ZBTB21: variants seen among roughly 807,000 people sequenced by gnomAD.
The protein encoded by ZBTB21 is zinc finger and BTB domain-containing protein 21.
Under a neutral mutation model 39.8 loss-of-function variants are expected in ZBTB21, and 10 were observed. That is an observed-to-expected ratio of 0.25 (90% confidence interval 0.16 to 0.43). The LOEUF (loss-of-function observed/expected upper bound fraction) is 0.43. ZBTB21 is among the 20% of genes least tolerant of loss of function. ZBTB21 has a pLI of 1.00. For missense variants in ZBTB21, 1,221 were observed against 1,296.3 expected (o/e 0.94, Z 0.89); for synonymous variants, 551 against 498.8 (o/e 1.10, Z -1.40).
At chr21:41,999,048 G>A (rs1275358614) in intron 2 of ZBTB21, among the ~76,000 whole-genome samples, 1 of 151,900 alleles carries the variant, frequency 6.6e-6, no homozygotes, top group Non-Finnish European at 1.5e-5. Context: ...CTATTTGTAT[G>A]AAGAAACCCT....
rs776278980 is a variant in ZBTB21 at position 41,992,370 on chromosome 21, C to T, written c.1726G>A (p.Ala576Thr). Residue 576 changes from alanine to threonine, a missense_variant, in exon 3 of 3, where the codon GCT becomes ACT. Physicochemically the swap from Ala to Thr is moderately conservative, Grantham distance 58 (BLOSUM62 0). Coordinates refer to ENST00000310826, the MANE Select transcript of ZBTB21 (RefSeq NM_001098402.2). The surrounding 1 kb of genome is among the most constrained non-coding windows in gnomAD (Gnocchi z 4.1). ...AACCTCTTGTGACAGATGTCACAAG[C>T]GTAGGGCTTTTCTGGGTTATGGTAC... ...NMYHNPEKPYACDICHKRFHT... is the reference protein window; with the variant it reads ...NMYHNPEKPYTCDICHKRFHT... 4.1e-5 allele frequency: 66 copies of T among 1,614,054 alleles called. No individual in the cohort carries two copies. Among genetic ancestry groups the T allele is most frequent in the Non-Finnish European group, 5.4e-5 (64 of 1,180,048 alleles).
Position 41,989,720 on chromosome 21 carries a change from T to G in ZBTB21, c.*1175A>C, listed in dbSNP as rs1364097985. 1 of 152,186 alleles carries G rather than the reference T, an allele frequency of 6.6e-6. No individual in the cohort carries two copies. Among genetic ancestry groups the G allele is most frequent in the Non-Finnish European group, 1.5e-5 (1 of 68,002 alleles). The allele number at this position is 152,186 out of a possible 1,614,324, so 9.4% of individuals were successfully genotyped here. Reference sequence around the variant, plus strand: ...TTAAGCAATGATGTAGAGAATGGCCTTGCCCATGATTTTAACCATCAGACC... The same window carrying G: ...TTAAGCAATGATGTAGAGAATGGCCGTGCCCATGATTTTAACCATCAGACC... On this transcript the variant is annotated 3_prime_UTR_variant, in exon 3 of 3. Transcript: ENST00000310826.
chr21:41,992,319 G>A lies in ZBTB21; in HGVS notation c.1777C>T (p.His593Tyr), dbSNP rs2065672540. The A allele has an allele frequency of 6.2e-7, 1 of 1,614,098 alleles. No individual in the cohort carries two copies. Among genetic ancestry groups the A allele is most frequent in the African/African-American group, 1.3e-5 (1 of 74,926 alleles). Residue 593 changes from histidine (H) to tyrosine (Y), a missense_variant, in exon 3 of 3, where the codon CAC (histidine) becomes TAC (tyrosine). Around this residue, in one of 4 missense-constraint regions of ZBTB21, gnomAD observed 90 missense variants for 133.1 expected, o/e 0.68. Coordinates refer to ENST00000310826, the MANE Select transcript of ZBTB21 (RefSeq NM_001098402.2). This position sits in a 1 kb window ranked among gnomAD's most constrained non-coding sequence, Gnocchi z 4.1. ...ACTATGCCGTGTTGGGTCTGACAGT[G>A]TGTCCACACTTTGAAGTTGGTGTGA... ...RFHTNFKVWT[H>Y]CQTQHGIVKN...
intron 1 of ZBTB21, among the ~76,000 whole-genome samples, chr21:42,003,456 G>A (rs2065841377): frequency 6.6e-6 from 1 of 152,172 alleles, no homozygotes; most frequent in East Asian, 1.9e-4. Context: ...AATTTGGCCA[G>A]GGTGTAGGAG....
In ZBTB21 at chr21:41,987,726, T is replaced by C. The variant is rs2065596972; in HGVS notation, c.*3169A>G. 1 of 151,786 alleles carries C rather than the reference T, an allele frequency of 6.6e-6. No homozygotes were observed. Among genetic ancestry groups the C allele is most frequent in the South Asian group, 2.1e-4 (1 of 4,836 alleles). 9.4% of individuals were successfully genotyped at this position (151,786 alleles called of 1,614,324 possible). A position where few individuals can be genotyped will look rare whatever the true frequency, so the allele number is the denominator to read the frequency against. On this transcript the variant is annotated 3_prime_UTR_variant, in exon 3 of 3. Transcript: ENST00000310826. The stretch of plus-strand genomic sequence containing the variant: ...AGTTGTATACACACATGCATGCATG[T>C]GTGTACAAACCCAATTTGAGACAAC...
At chr21:42,005,762 T>G (rs1172900675) in intron 1 of ZBTB21, among the ~76,000 whole-genome samples, 2 of 152,212 alleles carry the variant, frequency 1.3e-5, no homozygotes, top group African/African-American at 4.8e-5. Context: ...GAATTCCAAT[T>G]CTGTACAAGG....
intron 2 of ZBTB21, among the ~76,000 whole-genome samples, chr21:42,001,647 C>T (rs532664958): frequency 2.6e-5 from 4 of 152,258 alleles, no homozygotes; most frequent in Admixed American, 2.6e-4. Context: ...AAGGACATTT[C>T]GAGGGACGAG....
In ZBTB21 at chr21:41,987,177, AAATG is replaced by A. The variant is rs1479306080; in HGVS notation, c.*3714_*3717del. ...TGTGAAAAATCTGGACAGCATTAAC[AAATG>A]AAAGAGCACTGAATTCTGTTATTTT... On this transcript the variant is annotated 3_prime_UTR_variant, in exon 3 of 3. Coordinates refer to ENST00000310826, the MANE Select transcript of ZBTB21 (RefSeq NM_001098402.2). 1 of 152,252 alleles carries A rather than the reference AAATG, an allele frequency of 6.6e-6. No individual in the cohort carries two copies. The highest frequency in any genetic ancestry group is 1.5e-5 in the Non-Finnish European group (1 of 68,040). The allele number at this position is 152,252 out of a possible 1,614,324, so 9.4% of individuals were successfully genotyped here.
chr21:42,009,804 C>A (rs2065936276), intron 1 of ZBTB21, among the ~76,000 whole-genome samples: 2 of 152,000 alleles, frequency 1.3e-5, no homozygotes, highest in African/African-American at 2.4e-5. Flanking sequence ...TCCGCGCACA[C>A]CCCGCGGCCC....
rs1366973259 is a variant in ZBTB21, at chr21:41,992,921, T to A, written c.1175A>T (p.Lys392Ile). 6.2e-7 allele frequency: 1 copy of A among 1,614,176 alleles called. No homozygotes were observed. The highest frequency in any genetic ancestry group is 1.7e-5 in the Admixed American group (1 of 60,026). The change falls in exon 3 of 3, where the codon AAA (lysine) becomes ATA (isoleucine). Residue 392 changes from lysine to isoleucine, a missense_variant. This residue lies in a region of ZBTB21 where 500 missense variants were observed against 465.6 expected (regional missense o/e 1.07). Transcript: ENST00000310826. The surrounding 1 kb of genome is among the most constrained non-coding windows in gnomAD (Gnocchi z 4.1). ...QKSSLKDCSE[K>I]TALDDRPQVL... is the part of the protein sequence containing the mutation. ...TTGAGGCCTGTCATCTAGGGCTGTT[T>A]TTTCACTACAATCTTTTAAAGATGA...
Position 41,993,667 on chromosome 21 carries a change from A to G in ZBTB21, c.429T>C (p.Ser143=). Residue 143 remains serine, a synonymous_variant, in exon 3 of 3, where the codon AGT becomes AGC. Transcript: ENST00000310826. The part of the protein sequence containing the change: ...KKVFVEDDEN[S]SQKRSVIVCQ... ...AAACAATGACACTTCTCTTTTGAGA[A>G]CTGTTTTCATCATCTTCTACAAACA... 1 of 1,614,158 alleles carries G rather than the reference A, an allele frequency of 6.2e-7. No individual in the cohort carries two copies. Among genetic ancestry groups the G allele is most frequent in the Non-Finnish European group, 8.5e-7 (1 of 1,180,038 alleles).
rs558232329 is a variant in ZBTB21, at chr21:41,989,181, T to A, written c.*1714A>T. 1.3e-5 allele frequency: 2 copies of A among 152,106 alleles called. No homozygotes were observed. Among genetic ancestry groups the A allele is most frequent in the Non-Finnish European group, 2.9e-5 (2 of 67,992 alleles). The allele number at this position is 152,106 out of a possible 1,614,324, so 9.4% of individuals were successfully genotyped here. A position where few individuals can be genotyped will look rare whatever the true frequency, so the allele number is the denominator to read the frequency against. ...AGTTAACTACTAAAATATTGTGGAA[T>A]TTTGGAGTTTTTTCAAGTGAAAGAA... is the stretch of plus-strand genomic sequence containing the variant. On this transcript the variant is annotated 3_prime_UTR_variant, in exon 3 of 3. Coordinates refer to ENST00000310826, the MANE Select transcript of ZBTB21 (RefSeq NM_001098402.2).
Position 41,994,074 on chromosome 21 carries a change from T to C in ZBTB21, c.22A>G (p.Ile8Val). Residue 8 changes from isoleucine (I) to valine (V), a missense_variant, in exon 3 of 3, where the codon ATC becomes GTC. Physicochemically the swap from Ile to Val is conservative, Grantham distance 29 (BLOSUM62 3). Around this residue, in one of 4 missense-constraint regions of ZBTB21, gnomAD observed 108 missense variants for 155.0 expected, o/e 0.70. Transcript: ENST00000310826. The stretch of plus-strand genomic sequence containing the variant: ...AGAGAAATGGCGTGTGCAGGGTTGA[T>C]GTAATGCAGTAATCCCTCCATGGCT... MEGLLHY[I>V]NPAHAISLLS... 1.3e-6 allele frequency: 2 copies of C among 1,596,134 alleles called. No individual in the cohort carries two copies. The highest frequency in any genetic ancestry group is 1.3e-5 in the African/African-American group (1 of 74,132).
At chr21:41,997,489 T>C (rs994691061) in intron 2 of ZBTB21, among the ~76,000 whole-genome samples, 1 of 150,114 alleles carries the variant, frequency 6.7e-6, no homozygotes, top group African/African-American at 2.5e-5. Flanking sequence ...AGCATGACAA[T>C]CACTTAAGCC....
Position 41,993,153 on chromosome 21 carries a change from A to G in ZBTB21, c.943T>C (p.Leu315=). 4 of 1,614,164 alleles carry G rather than the reference A, an allele frequency of 2.5e-6. No individual in the cohort carries two copies. Among genetic ancestry groups the G allele is most frequent in the Non-Finnish European group, 3.4e-6 (4 of 1,180,036 alleles). The change falls in exon 3 of 3, where the codon TTA becomes CTA. Residue 315 remains leucine (L), a synonymous_variant. Transcript: ENST00000310826. ...CCAGATCCACTGGATGGGATCACTA[A>G]GCCTAACTTTGAATAGTACAACAAG... The part of the protein sequence containing the change: ...RNLLYYSKLG[L]VIPSSGSGSG...
At position 41,992,008 on chromosome 21, in the gene ZBTB21, T is replaced by A; in HGVS notation, c.2088A>T (p.Lys696Asn). Reference protein sequence around the residue: ...KQHIKMHPGEKPLGVNKVAKP... With the variant: ...KQHIKMHPGENPLGVNKVAKP... ...TAGCAACTTTATTTACTCCAAGGGG[T>A]TTTTCTCCTGGATGCATTTTTATAT... The change falls in exon 3 of 3, where the codon AAA (lysine) becomes AAT (asparagine). Residue 696 changes from lysine to asparagine, a missense_variant. Physicochemically the swap from Lys to Asn is moderately conservative, Grantham distance 94. Coordinates refer to ENST00000310826, the MANE Select transcript of ZBTB21 (RefSeq NM_001098402.2). This position sits in a 1 kb window ranked among gnomAD's most constrained non-coding sequence, Gnocchi z 4.1. 6.2e-7 allele frequency: 1 copy of A among 1,613,974 alleles called. No homozygotes were observed. Among genetic ancestry groups the A allele is most frequent in the Middle Eastern group, 1.6e-4 (1 of 6,062 alleles).
intron 1 of ZBTB21, among the ~76,000 whole-genome samples, chr21:42,004,643 C>T (rs1208416798): frequency 2.0e-5 from 3 of 152,158 alleles, no homozygotes; most frequent in Admixed American, 2.0e-4. Context: ...GAAAATGGCT[C>T]TTTACATCCA....
rs371914276 is a variant in ZBTB21 at position 41,991,615 on chromosome 21, T to A, written c.2481A>T (p.Gln827His). ...NGDVTGSSRP[Q>H]SQPEPNKVNH... The stretch of plus-strand genomic sequence containing the variant: ...TTACTTTGTTGGGCTCAGGCTGGGA[T>A]TGGGGCCTTGAAGAACCAGTCACAT... Residue 827 changes from glutamine (Q) to histidine (H), a missense_variant, in exon 3 of 3, where the codon CAA becomes CAT. Transcript: ENST00000310826. The surrounding 1 kb of genome is among the most constrained non-coding windows in gnomAD (Gnocchi z 4.9). The A allele has an allele frequency of 1.1e-5, 18 of 1,614,178 alleles. No individual in the cohort carries two copies. Among genetic ancestry groups the A allele is most frequent in the Non-Finnish European group, 1.3e-5 (15 of 1,180,034 alleles).
chr21:42,009,943 C>T (rs1245783063), intron 1 of ZBTB21, among the ~76,000 whole-genome samples: 1 of 152,204 alleles, frequency 6.6e-6, no homozygotes, highest in Non-Finnish European at 1.5e-5. Context: ...GCAGCTCGGC[C>T]AGGGTGAAGA....
Sources: gnomAD v4.1 joint callset for allele counts (sites outside exome capture counted in the v4.1 genomes callset) on GRCh38, gnomAD v4.1.1 for gene constraint, gnomAD v4.1.1 regional missense constraint, Gnocchi (gnomAD v3.1) non-coding constraint, MANE v1.5 for transcripts, NCBI Gene and HGNC (gene_info 2026-07-23, HGNC 2026-07-21) for gene names.